The following EMSY variants were observed in gnomAD, a reference collection of about 807,000 sequenced individuals.
EMSY encodes EMSY transcriptional repressor, BRCA2 interacting, also known as BRCA2-interacting transcriptional repressor EMSY.
A neutral mutation model predicts 134.6 loss-of-function variants in EMSY; 26 were observed. That is an observed-to-expected ratio of 0.19 (90% CI 0.14 to 0.27). The LOEUF is 0.27. Ranked by LOEUF, EMSY falls within the 10% of genes least tolerant of loss-of-function variation. The pLI is 1.00. For synonymous variants in EMSY, 579 were observed against 577.8 expected (o/e 1.00, Z -0.03); for missense variants, 1,305 against 1,611.4 (o/e 0.81, Z 3.26).
At chr11:76,453,443 T>G in intron 4 of EMSY, 55 bp downstream of exon 4, 1 of 1,495,558 alleles carries the variant, frequency 6.7e-7, no homozygotes. Flanking sequence ...TAACACAGTT[T>G]TGAAACAGTC....
chr11:76,516,057 A>T (rs1157869295), intron 10 of EMSY, 85 bp from the exon 12 acceptor site: 2 of 1,160,586 alleles, frequency 1.7e-6, no homozygotes, highest in South Asian at 1.7e-5. Flanking sequence ...AATGTAGATT[A>T]TATGGAATTA....
At chr11:76,507,295 C>T (rs966034197) in intron 9 of EMSY, among the ~76,000 whole-genome samples, 3 of 152,118 alleles carry the variant, frequency 2.0e-5, no homozygotes, top group Non-Finnish European at 2.9e-5. Context: ...GGGGTGGTTA[C>T]AGCATTTTCT....
At chr11:76,459,280 T>A (rs1948007767) in intron 5 of EMSY, 1 of 152,186 alleles carries the variant, frequency 6.6e-6, no homozygotes, top group African/African-American at 2.4e-5. Flanking sequence ...ATCTTTAAAA[T>A]GAGAATGTGA....
chr11:76,461,815 C>T (rs557794367), intron 6 of EMSY, among the ~76,000 whole-genome samples: 54 of 152,174 alleles, frequency 3.5e-4, no homozygotes, highest in Admixed American at 3.1e-3. Context: ...GCCTGTAATC[C>T]GAGCTATTTG....
chr11:76,511,226 T>C (rs943143354), intron 9 of EMSY, among the ~76,000 whole-genome samples: 18 of 152,224 alleles, frequency 1.2e-4, no homozygotes, highest in Non-Finnish European at 2.9e-5. Flanking sequence ...AATTTGTCTA[T>C]TTACATTTTT....
chr11:76,507,865 CTTTTTTT>C (rs55756987), intron 9 of EMSY, among the ~76,000 whole-genome samples: 1 of 118,632 alleles, frequency 8.4e-6, no homozygotes, highest in African/African-American at 3.0e-5. Flanking sequence ...TTTTCTTTTT[CTTTTTTT>C]TTTTTTTCTT....
At chr11:76,460,277 T>G in intron 6 of EMSY, 192 bp downstream of exon 7, 13 of 545,546 alleles carry the variant, frequency 2.4e-5, no homozygotes, top group South Asian at 1.4e-4. Context: ...GTTCTGGGGT[T>G]TCAGAAGTGA....
chr11:76,528,458 G>T, exon 14 of EMSY: 2 of 1,599,568 alleles, frequency 1.3e-6, no homozygotes, highest in Non-Finnish European at 1.7e-6. Context: ...TCCTCCCAGA[G>T]TTCCCAAGGT....
chr11:76,551,627 C>T (rs1951839251), downstream of EMSY: 1 of 152,376 alleles, frequency 6.6e-6, no homozygotes, highest in Non-Finnish European at 1.5e-5. Flanking sequence ...TAATGATTTA[C>T]CCATAGATGG....
At chr11:76,447,466 G>T (rs1202395812) in intron 2 of EMSY, among the ~76,000 whole-genome samples, 2 of 152,186 alleles carry the variant, frequency 1.3e-5, no homozygotes, top group East Asian at 1.9e-4. Flanking sequence ...TAACCTTCAT[G>T]ATTGTATGTG....
At chr11:76,496,283 C>T (rs1367991939) in exon 9 of EMSY, 1 of 1,613,930 alleles carries the variant, frequency 6.2e-7, no homozygotes, top group Non-Finnish European at 8.5e-7. Context: ...AGTGAGTGCC[C>T]CAACTCAGAT....
intron 20 of EMSY, among the ~76,000 whole-genome samples, chr11:76,549,695 T>A (rs1031103309): frequency 2.0e-5 from 3 of 152,172 alleles, no homozygotes; most frequent in African/African-American, 7.2e-5. Context: ...GGTTAAGTCA[T>A]CTACCCTCTC....
intron 11 of EMSY, among the ~76,000 whole-genome samples, chr11:76,517,176 C>G (rs1256310999): frequency 6.6e-6 from 1 of 151,934 alleles, no homozygotes; most frequent in African/African-American, 2.4e-5. Flanking sequence ...ATTGAAGTTC[C>G]TGGCAGTAAT....
chr11:76,466,962 C>T (rs1341113816), intron 7 of EMSY, among the ~76,000 whole-genome samples: 3 of 152,174 alleles, frequency 2.0e-5, no homozygotes, highest in African/African-American at 7.2e-5. Context: ...AGTTCCTTCC[C>T]TTGCAGGTAT....
chr11:76,519,403 G>A (rs914162312), intron 11 of EMSY, among the ~76,000 whole-genome samples: 3 of 152,078 alleles, frequency 2.0e-5, no homozygotes, highest in East Asian at 1.9e-4. Flanking sequence ...ATTTACATGT[G>A]TATACATTAG....
At chr11:76,456,304 A>G (rs1170146054) in intron 4 of EMSY, among the ~76,000 whole-genome samples, 1 of 152,206 alleles carries the variant, frequency 6.6e-6, no homozygotes, top group Non-Finnish European at 1.5e-5. Context: ...GAAATTTGGA[A>G]GATTTATAGA....
chr11:76,445,655 C>G (rs1947351846), intron 1 of EMSY, among the ~76,000 whole-genome samples: 1 of 152,162 alleles, frequency 6.6e-6, no homozygotes, highest in African/African-American at 2.4e-5. Context: ...GCTCCGGAAA[C>G]TACTGCCCGG....
chr11:76,456,350 C>T (rs1344226317), intron 4 of EMSY, among the ~76,000 whole-genome samples: 1 of 152,114 alleles, frequency 6.6e-6, no homozygotes, highest in Non-Finnish European at 1.5e-5. Context: ...TTTTGCACTG[C>T]AAGTTTTGTC....
intron 15 of EMSY, among the ~76,000 whole-genome samples, chr11:76,536,518 T>G (rs1186847626): frequency 6.6e-6 from 1 of 152,214 alleles, no homozygotes; most frequent in Non-Finnish European, 1.5e-5. Context: ...TTGCTAACAT[T>G]CTGATTTGTT....
Sources: gnomAD v4.1 joint callset for allele counts (sites outside exome capture counted in the v4.1 genomes callset) on GRCh38, gnomAD v4.1.1 for gene constraint, MANE v1.5 for transcripts, NCBI Gene and HGNC (gene_info 2026-07-23, HGNC 2026-07-21) for gene names.